The following KIAA1549L variants were observed in gnomAD, a reference collection of about 807,000 sequenced individuals.
The protein encoded by KIAA1549L is UPF0606 protein KIAA1549L.
Under a neutral mutation model 160.7 loss-of-function variants are expected in KIAA1549L, and 88 were observed. The observed-to-expected ratio is 0.55, with a 90% CI of 0.46 to 0.65. KIAA1549L has a LOEUF of 0.65. Among genes scored for constraint, KIAA1549L ranks in the 30% least tolerant of loss-of-function variants. KIAA1549L has a pLI of 0.00. For missense variants in KIAA1549L, 2,258 were observed against 2,437.5 expected, an observed-to-expected ratio of 0.93 and a Z score of 1.55; for synonymous variants, 950 against 976.7, an observed-to-expected ratio of 0.97 and a Z score of 0.51.
chr11:33,456,038 G>A (rs1851814353), intron 1 of KIAA1549L, among the ~76,000 whole-genome samples: 1 of 152,220 alleles, frequency 6.6e-6, no homozygotes, highest in Admixed American at 6.5e-5. Context: ...TGGAAGATCA[G>A]TGAATTACAG....
intron 13 of KIAA1549L, 39 bp downstream of exon 13, chr11:33,598,986 C>G: frequency 7.5e-6 from 12 of 1,608,172 alleles, no homozygotes; most frequent in Non-Finnish European, 1.0e-5. Flanking sequence ...CCCAGCTGCT[C>G]CCACGCGTGC....
intron 15 of KIAA1549L, among the ~76,000 whole-genome samples, chr11:33,610,768 A>G (rs1056215303): frequency 2.0e-5 from 3 of 152,234 alleles, no homozygotes; most frequent in African/African-American, 4.8e-5. Flanking sequence ...TTGTGCTGCT[A>G]TAACAGAATA....
intron 16 of KIAA1549L, among the ~76,000 whole-genome samples, chr11:33,641,860 C>T (rs1287254557): frequency 2.0e-5 from 3 of 151,878 alleles, no homozygotes; most frequent in African/African-American, 7.3e-5. Context: ...TAAATATTAG[C>T]TGCTATTATT....
At chr11:33,647,400 A>G (rs1212007349) in intron 17 of KIAA1549L, among the ~76,000 whole-genome samples, 2 of 150,916 alleles carry the variant, frequency 1.3e-5, no homozygotes, top group African/African-American at 4.9e-5. Flanking sequence ...AAAAAAAAGA[A>G]TATTCATTGT....
At chr11:33,435,775 T>TACAC (rs1179530629) in intron 1 of KIAA1549L, among the ~76,000 whole-genome samples, 7 of 6,468 alleles carry the variant, frequency 1.1e-3, no homozygotes, top group Admixed American at 7.3e-3. Flanking sequence ...TATATATATA[T>TACAC]ATATATATAT....
chr11:33,399,612 T>G (rs1850456920), intron 1 of KIAA1549L, among the ~76,000 whole-genome samples: 1 of 152,214 alleles, frequency 6.6e-6, no homozygotes, highest in East Asian at 1.9e-4. Context: ...GCCATGGTTC[T>G]GAATCCCCCA....
chr11:33,452,803 A>C (rs938782154), intron 1 of KIAA1549L, among the ~76,000 whole-genome samples: 3 of 152,014 alleles, frequency 2.0e-5, no homozygotes, highest in African/African-American at 4.8e-5. Flanking sequence ...GTCCCCTGGC[A>C]CTTTGTGGAT....
chr11:33,402,429 C>T (rs1850522766), intron 1 of KIAA1549L, among the ~76,000 whole-genome samples: 1 of 152,160 alleles, frequency 6.6e-6, no homozygotes, highest in Non-Finnish European at 1.5e-5. Flanking sequence ...TCTGTAGCCT[C>T]CTATTTCTGG....
chr11:33,393,681 T>A (rs1269816484), intron 1 of KIAA1549L, among the ~76,000 whole-genome samples: 1 of 152,042 alleles, frequency 6.6e-6, no homozygotes, highest in Non-Finnish European at 1.5e-5. Flanking sequence ...TAGAAGACAA[T>A]GTTCAGGAAG....
At position 33,395,285 on chromosome 11, in the gene KIAA1549L, T is replaced by C. The variant is rs534435216; in HGVS notation, c.238+18396T>C. ...ATTATATGAATGACTTCCTTCTGCC[T>C]GTAGCAATAATAATAGCTAACACTT... On this transcript the variant is annotated intron_variant, in intron 1 of 20. Coordinates refer to ENST00000658780, the MANE Select transcript of KIAA1549L (RefSeq NM_012194.3). 1.5e-3 allele frequency among the ~76,000 whole-genome samples: 236 copies of C among 152,370 alleles called. 1 individual carries two copies. Among genetic ancestry groups the C allele is most frequent in the Non-Finnish European group, 2.6e-3 (176 of 68,038 alleles).
chr11:33,656,097 C>G lies in KIAA1549L; in HGVS notation c.5846C>G (p.Ala1949Gly). The G allele has an allele frequency of 6.2e-7, 1 of 1,612,992 alleles. No homozygotes were observed. The highest frequency in any genetic ancestry group is 2.2e-5 in the East Asian group (1 of 44,884). The change falls in exon 18 of 21, where the codon GCT becomes GGT. Residue 1949 changes from alanine (A) to glycine (G), a missense_variant. Around this residue, in one of 6 missense-constraint regions of KIAA1549L, gnomAD observed 1,359 missense variants for 1,546.6 expected, o/e 0.88. Coordinates refer to ENST00000658780, the MANE Select transcript of KIAA1549L (RefSeq NM_012194.3). ...VPPRTGPVAV[A>G]SLRRSTSDIG... ...CCCCGGACTGGTCCTGTGGCTGTCG[C>G]TTCTCTCAGGCGGTAACACGTTCCT...
chr11:33,647,866 T>C (rs746970776), intron 17 of KIAA1549L, among the ~76,000 whole-genome samples: 1 of 152,202 alleles, frequency 6.6e-6, no homozygotes, highest in Non-Finnish European at 1.5e-5. Context: ...GGCTTAGTGT[T>C]TGTGGCAAGA....
chr11:33,658,689 C>G (rs747325495), intron 18 of KIAA1549L, 61 bp from the exon 19 acceptor site: 59 of 1,534,188 alleles, frequency 3.8e-5, no homozygotes, highest in Non-Finnish European at 5.0e-5. Context: ...CGCACTCCTC[C>G]TGCTCGGGAC....
intron 1 of KIAA1549L, among the ~76,000 whole-genome samples, chr11:33,440,869 G>C (rs1195858173): frequency 6.6e-6 from 1 of 151,960 alleles, no homozygotes; most frequent in Non-Finnish European, 1.5e-5. Context: ...CCCTTGTCCT[G>C]ATAGATACTT....
intron 1 of KIAA1549L, among the ~76,000 whole-genome samples, chr11:33,483,699 C>T (rs903558028): frequency 2.6e-5 from 4 of 152,060 alleles, no homozygotes; most frequent in Admixed American, 1.3e-4. Flanking sequence ...ATACTGTTCT[C>T]GTGGTAGTGA....
rs2133233861 is a variant in KIAA1549L at position 33,568,315 on chromosome 11, T to C, written c.4230+88T>C. 3.1e-6 allele frequency: 4 copies of C among 1,294,860 alleles called. No homozygotes were observed. The East Asian group carries it at 1.1e-4, about 34-fold the overall frequency. 80.2% of individuals were successfully genotyped at this position (1,294,860 alleles called of 1,614,324 possible). A position where few individuals can be genotyped will look rare whatever the true frequency, so the allele number is the denominator to read the frequency against. ...CCTGAGACTAAATAAGTCAGTGTGC[T>C]CAGAGGAGCCTCCATGCTGCCAACT... is the stretch of plus-strand genomic sequence containing the variant. On this transcript the variant is annotated intron_variant, in intron 9 of 20. Coordinates refer to ENST00000658780, the MANE Select transcript of KIAA1549L (RefSeq NM_012194.3).
At chr11:33,460,115 G>A (rs915884483) in intron 1 of KIAA1549L, among the ~76,000 whole-genome samples, 1 of 152,112 alleles carries the variant, frequency 6.6e-6, no homozygotes, top group Non-Finnish European at 1.5e-5. Flanking sequence ...TGATTAAAAT[G>A]TATGAACATT....
At chr11:33,406,578 G>A (rs1321153416) in intron 1 of KIAA1549L, among the ~76,000 whole-genome samples, 1 of 152,218 alleles carries the variant, frequency 6.6e-6, no homozygotes, top group East Asian at 1.9e-4. Context: ...TGTAATCCGC[G>A]CAGCGGAGCA....
intron 1 of KIAA1549L, among the ~76,000 whole-genome samples, chr11:33,500,632 A>G (rs527474791): frequency 1.3e-5 from 2 of 152,284 alleles, no homozygotes; most frequent in Non-Finnish European, 2.9e-5. Flanking sequence ...AGTTTATTAT[A>G]TATTTCAAAA....
Sources: allele counts gnomAD v4.1 joint callset (sites outside exome capture counted in the v4.1 genomes callset), GRCh38; gene constraint gnomAD v4.1.1; regional missense constraint gnomAD v4.1.1; transcripts MANE v1.5; gene names NCBI Gene and HGNC (gene_info 2026-07-23, HGNC 2026-07-21).